Variants in CNTN4 observed in about 807,000 individuals in gnomAD.
CNTN4 encodes contactin-4.
Under a neutral mutation model 122.5 loss-of-function variants are expected in CNTN4, and 77 were observed. The observed-to-expected ratio is 0.63, with a 90% CI of 0.52 to 0.76. The LOEUF is 0.76. Among genes scored for constraint, CNTN4 ranks in the 30% least tolerant of loss-of-function variants. The pLI, the probability that CNTN4 is intolerant of heterozygous loss-of-function variation, is 0.00. For synonymous variants in CNTN4, 512 were observed against 447.0 expected (o/e 1.15, Z -1.83); for missense variants, 1,256 against 1,259.1 (o/e 1.00, Z 0.04).
chr3:2,947,728 A>G (rs967822865), intron 13 of CNTN4, among the ~76,000 whole-genome samples: 8 of 152,214 alleles, frequency 5.3e-5, no homozygotes, highest in East Asian at 3.8e-4. Context: ...TATAAAAGCT[A>G]CAGCCAGATC....
At chr3:2,261,674 A>G (rs1012567316) in intron 2 of CNTN4, among the ~76,000 whole-genome samples, 8 of 152,326 alleles carry the variant, frequency 5.3e-5, no homozygotes, top group East Asian at 1.9e-4. Flanking sequence ...CTAAAATTCT[A>G]TGGAATAGTG....
At chr3:2,931,961 T>A (rs1236255367) in intron 13 of CNTN4, among the ~76,000 whole-genome samples, 1 of 152,078 alleles carries the variant, frequency 6.6e-6, no homozygotes, top group African/African-American at 2.4e-5. Flanking sequence ...ATTTTAACCT[T>A]ATCATCGATC....
rs112740334 is a variant in CNTN4, at chr3:2,550,421, A to G, written c.-88-20995A>G. ...TGAGATACCATCTCACACCAGTTAG[A>G]ATGGTGATCATTAAAAAGTCAGGAA... On this transcript the variant is annotated intron_variant, in intron 3 of 24. Coordinates refer to ENST00000418658, the MANE Select transcript of CNTN4 (RefSeq NM_175607.3). Among the ~76,000 whole-genome samples the G allele has an allele frequency of 8.9e-3, 1,354 of 152,280 alleles. 20 individuals are homozygous for G. Among genetic ancestry groups the G allele is most frequent in the African/African-American group, 0.031 (1,273 of 41,558 alleles).
chr3:2,527,835 C>A (rs1387450709), intron 3 of CNTN4, among the ~76,000 whole-genome samples: 1 of 152,142 alleles, frequency 6.6e-6, no homozygotes, highest in Non-Finnish European at 1.5e-5. Flanking sequence ...ACATCCCCCA[C>A]AGTTGGATAC....
chr3:2,677,073 A>G (rs760745101), intron 4 of CNTN4, among the ~76,000 whole-genome samples: 1 of 151,996 alleles, frequency 6.6e-6, no homozygotes, highest in Non-Finnish European at 1.5e-5. Flanking sequence ...CTGTTCAGGG[A>G]TTAGCACACT....
chr3:2,645,935 C>T (rs1034517179), intron 4 of CNTN4, among the ~76,000 whole-genome samples: 4 of 152,202 alleles, frequency 2.6e-5, no homozygotes, highest in African/African-American at 9.6e-5. Flanking sequence ...ATTTATTCTT[C>T]AACTGTATCA....
intron 6 of CNTN4, among the ~76,000 whole-genome samples, chr3:2,762,130 G>A (rs1350925095): frequency 6.6e-6 from 1 of 152,150 alleles, no homozygotes; most frequent in Non-Finnish European, 1.5e-5. Context: ...AAGATTGAAG[G>A]TCTTGAAGGA....
At chr3:2,658,913 A>G (rs977054537) in intron 4 of CNTN4, among the ~76,000 whole-genome samples, 2 of 151,544 alleles carry the variant, frequency 1.3e-5, no homozygotes, top group Non-Finnish European at 2.9e-5. Flanking sequence ...ATAAATACCT[A>G]CTTGCATTTT....
intron 2 of CNTN4, among the ~76,000 whole-genome samples, chr3:2,220,333 A>G (rs1468037607): frequency 3.3e-5 from 5 of 152,154 alleles, no homozygotes; most frequent in Non-Finnish European, 7.4e-5. Flanking sequence ...CACTGTGGTA[A>G]CAATTACTAA....
chr3:2,172,085 G>A (rs2036542512), intron 2 of CNTN4, among the ~76,000 whole-genome samples: 1 of 152,172 alleles, frequency 6.6e-6, no homozygotes, highest in African/African-American at 2.4e-5. Context: ...TATTTACTAA[G>A]TCAAGTTTTA....
At chr3:2,313,388 C>A (rs1043614043) in intron 2 of CNTN4, among the ~76,000 whole-genome samples, 6 of 151,768 alleles carry the variant, frequency 4.0e-5, no homozygotes, top group African/African-American at 1.2e-4. Flanking sequence ...GGAAAAGAAA[C>A]CCTGAAAAGT....
At chr3:2,357,974 T>A (rs937923886) in intron 3 of CNTN4, among the ~76,000 whole-genome samples, 2 of 152,230 alleles carry the variant, frequency 1.3e-5, no homozygotes, top group Non-Finnish European at 2.9e-5. Context: ...TTATGTAATA[T>A]GTGAATTCTA....
rs575389355 is a variant in CNTN4, at chr3:2,121,067, A to T, written c.-145+20428A>T. ...CTCATTGACTTTGTGAATTTTAATG[A>T]CTTCCTTCCTCCCTCCCTTCCTTCC... On this transcript the variant is annotated intron_variant, in intron 2 of 24. Coordinates refer to ENST00000418658, the MANE Select transcript of CNTN4 (RefSeq NM_175607.3). Among the ~76,000 whole-genome samples the T allele has an allele frequency of 6.4e-4, 95 of 148,554 alleles. 1 individual carries two copies. Among genetic ancestry groups the T allele is most frequent in the Middle Eastern group, 7.2e-3 (2 of 278 alleles).
intron 2 of CNTN4, among the ~76,000 whole-genome samples, chr3:2,269,914 G>GTTTGTTTGTTTA (rs1442423195): frequency 1.8e-5 from 1 of 54,798 alleles, no homozygotes; most frequent in African/African-American, 4.9e-5. Context: ...TTGTTTGTTT[G>GTTTGTTTGTTTA]TTTATTTATT....
chr3:2,728,367 C>G (rs879913342), intron 4 of CNTN4, among the ~76,000 whole-genome samples: 6 of 152,182 alleles, frequency 3.9e-5, no homozygotes, highest in African/African-American at 1.4e-4. Context: ...CAGCAGGACA[C>G]AGTGTGCCCT....
chr3:2,902,801 T>C (rs1453017802), intron 11 of CNTN4, 75 bp from the exon 12 acceptor site: 7 of 1,493,018 alleles, frequency 4.7e-6, no homozygotes, highest in Non-Finnish European at 6.4e-6. Flanking sequence ...TTCCTTGATA[T>C]TACACATGGT....
At chr3:2,376,901 T>C (rs1323733648) in intron 3 of CNTN4, among the ~76,000 whole-genome samples, 1 of 152,004 alleles carries the variant, frequency 6.6e-6, no homozygotes, top group East Asian at 1.9e-4. Context: ...CTCACGCCTG[T>C]AATCCCAGCA....
chr3:2,394,558 G>C (rs770717785), intron 3 of CNTN4, among the ~76,000 whole-genome samples: 4 of 152,132 alleles, frequency 2.6e-5, no homozygotes, highest in Non-Finnish European at 5.9e-5. Flanking sequence ...TGATATGAAA[G>C]AGGCTGACAG....
chr3:2,981,956 T>G (rs1003261753), intron 13 of CNTN4, among the ~76,000 whole-genome samples: 1 of 152,062 alleles, frequency 6.6e-6, no homozygotes. Context: ...GAGAATCGCA[T>G]GTACCCAGGA....
Sources: allele counts gnomAD v4.1 joint callset (sites outside exome capture counted in the v4.1 genomes callset), GRCh38; gene constraint gnomAD v4.1.1; transcripts MANE v1.5; gene names NCBI Gene and HGNC (gene_info 2026-07-23, HGNC 2026-07-21).